The following ATP11A variants were observed in gnomAD, a reference collection of about 807,000 sequenced individuals.
The protein encoded by ATP11A is ATPase phospholipid transporting 11A, also known as phospholipid-transporting ATPase IH.
In ATP11A, 81 loss-of-function variants were observed where a neutral mutation model predicts 154.4. The observed-to-expected ratio is 0.52, with a 90% CI of 0.44 to 0.63. The LOEUF is 0.63. Ranked by LOEUF, ATP11A falls within the 30% of genes least tolerant of loss-of-function variation. The pLI is 0.00. For synonymous variants in ATP11A, 623 were observed against 585.9 expected, an observed-to-expected ratio of 1.06 and a Z score of -0.91; for missense variants, 1,316 against 1,474.3, an observed-to-expected ratio of 0.89 and a Z score of 1.76.
chr13:112,814,968 TCA>T (rs1462503658), intron 5 of ATP11A, among the ~76,000 whole-genome samples: 1 of 152,220 alleles, frequency 6.6e-6, no homozygotes, highest in Admixed American at 6.5e-5. Flanking sequence ...TTTTAAAGTC[TCA>T]CAAATTCGCA....
At chr13:112,771,118 T>G (rs962552023) in intron 1 of ATP11A, among the ~76,000 whole-genome samples, 3 of 152,214 alleles carry the variant, frequency 2.0e-5, no homozygotes, top group African/African-American at 2.4e-5. Context: ...TTAAAAAATC[T>G]CCTTTGTCCC....
At chr13:112,730,910 C>G (rs1890417654) in intron 1 of ATP11A, among the ~76,000 whole-genome samples, 1 of 152,110 alleles carries the variant, frequency 6.6e-6, no homozygotes, top group South Asian at 2.1e-4. Flanking sequence ...TCTCATGGGA[C>G]AGGTGTTCTT....
intron 1 of ATP11A, among the ~76,000 whole-genome samples, chr13:112,747,608 G>A (rs534695256): frequency 2.0e-5 from 3 of 152,342 alleles, no homozygotes; most frequent in African/African-American, 7.2e-5. Flanking sequence ...GGCCAAGGCC[G>A]GCGGATCACT....
intron 12 of ATP11A, among the ~76,000 whole-genome samples, chr13:112,828,583 C>T (rs943211218): frequency 9.9e-5 from 15 of 152,078 alleles, no homozygotes; most frequent in Admixed American, 7.2e-4. Flanking sequence ...GGGGAAAGTG[C>T]CCAGCGGTGT....
At chr13:112,710,899 G>T (rs1810848) in intron 1 of ATP11A, among the ~76,000 whole-genome samples, 145,183 of 151,864 alleles carry the variant, frequency 0.96, 69,433 homozygotes, top group East Asian at 1. Flanking sequence ...CGTCATGTGA[G>T]GGGGCACTAG....
At chr13:112,708,918 A>T (rs887125408) in intron 1 of ATP11A, among the ~76,000 whole-genome samples, 15 of 152,146 alleles carry the variant, frequency 9.9e-5, no homozygotes, top group African/African-American at 3.6e-4. Context: ...CAAGGAAGAG[A>T]GAGTGATTTG....
intron 29 of ATP11A, chr13:112,881,674 A>G: frequency 8.1e-7 from 1 of 1,227,522 alleles, no homozygotes; most frequent in Non-Finnish European, 1.0e-6. Context: ...GCCTGCCCTC[A>G]GGACGAGGGT....
In ATP11A at chr13:112,831,396, A is replaced by C; in HGVS notation, c.1243A>C (p.Lys415Gln). ...GCAGGTGGAGTACATCTTCACAGAC[A>C]AGACCGGCACCCTCACGGAAAACAA... ...LGQVEYIFTD[K>Q]TGTLTENNME... The change falls in exon 13 of 30, where the codon AAG becomes CAG. Residue 415 changes from lysine (K) to glutamine (Q), a missense_variant. This residue lies in a region of ATP11A where 876 missense variants were observed against 1,006.8 expected (regional missense o/e 0.87). Coordinates refer to ENST00000375645, the MANE Select transcript of ATP11A (RefSeq NM_015205.3). The C allele has an allele frequency of 6.2e-7, 1 of 1,614,140 alleles. No homozygotes were observed. The highest frequency in any genetic ancestry group is 8.5e-7 in the Non-Finnish European group (1 of 1,179,998).
At position 112,855,946 on chromosome 13, in the gene ATP11A, T is replaced by C; in HGVS notation, c.2279T>C (p.Ile760Thr). Residue 760 changes from isoleucine (I) to threonine (T), a missense_variant, in exon 20 of 30, where the codon ATC (isoleucine) becomes ACC (threonine). Physicochemically the swap from Ile to Thr is moderately conservative, Grantham distance 89 (BLOSUM62 -1). This residue lies in a region of ATP11A where 876 missense variants were observed against 1,006.8 expected (regional missense o/e 0.87). Transcript: ENST00000375645. ...GATATGCAGGACTACGGTTTAATTATCGACGGAGCTGCACTGTCTCTGATA... is the reference window on the plus strand; with the variant it reads ...GATATGCAGGACTACGGTTTAATTACCGACGGAGCTGCACTGTCTCTGATA... ...SADMQDYGLI[I>T]DGAALSLIMK... is the part of the protein sequence containing the mutation. 1 of 1,613,996 alleles carries C rather than the reference T, an allele frequency of 6.2e-7. No homozygotes were observed. Among genetic ancestry groups the C allele is most frequent in the South Asian group, 1.1e-5 (1 of 91,056 alleles).
rs75264647 is a variant in ATP11A, at chr13:112,815,125, A to G, written c.442-958A>G. ...AGTGACTCACTCAAGGGTTCTGATGATCGTTTCCCCTTCAGACATGCAGCC... is the reference window on the plus strand; with the variant it reads ...AGTGACTCACTCAAGGGTTCTGATGGTCGTTTCCCCTTCAGACATGCAGCC... On this transcript the variant is annotated intron_variant, in intron 5 of 29. Coordinates refer to ENST00000375645, the MANE Select transcript of ATP11A (RefSeq NM_015205.3). Among the ~76,000 whole-genome samples the G allele has an allele frequency of 7.8e-3, 1,193 of 152,274 alleles. 12 individuals are homozygous for G. Among genetic ancestry groups the G allele is most frequent in the African/African-American group, 0.028 (1,144 of 41,544 alleles).
At chr13:112,730,521 G>A (rs1454912999) in intron 1 of ATP11A, among the ~76,000 whole-genome samples, 2 of 152,198 alleles carry the variant, frequency 1.3e-5, no homozygotes, top group African/African-American at 2.4e-5. Flanking sequence ...CTAGTAACAC[G>A]GTGCTAGGCA....
intron 17 of ATP11A, among the ~76,000 whole-genome samples, chr13:112,842,936 G>A (rs561475953): frequency 1.3e-5 from 2 of 152,250 alleles, no homozygotes; most frequent in Non-Finnish European, 2.9e-5. Flanking sequence ...GGGCTGCTGC[G>A]GTAGGGGGCC....
intron 27 of ATP11A, among the ~76,000 whole-genome samples, chr13:112,874,249 C>T (rs952469086): frequency 3.3e-5 from 5 of 152,146 alleles, no homozygotes; most frequent in Non-Finnish European, 7.3e-5. Flanking sequence ...GGAGGTCCTC[C>T]GTGAGTGGGA....
At chr13:112,823,070 G>A (rs1015585683) in intron 8 of ATP11A, among the ~76,000 whole-genome samples, 1 of 152,246 alleles carries the variant, frequency 6.6e-6, no homozygotes, top group Non-Finnish European at 1.5e-5. Flanking sequence ...AGCTCAGTGG[G>A]TCTGGATGGG....
chr13:112,734,567 C>G (rs1278062250), intron 1 of ATP11A, among the ~76,000 whole-genome samples: 1 of 152,190 alleles, frequency 6.6e-6, no homozygotes. Context: ...CAAACCCTGA[C>G]TGTATCGGAC....
rs2080916403 is a variant in ATP11A, at chr13:112,882,924, G to A, written c.*1058G>A. ...GACGGGGGTGGCACACAGGACACGG[G>A]TGGATCCCAACAGGCAGCACCGCAC... On this transcript the variant is annotated 3_prime_UTR_variant, in exon 30 of 30. Transcript: ENST00000375645. The surrounding 1 kb of genome is among the most constrained non-coding windows in gnomAD (Gnocchi z 5.1). The A allele has an allele frequency of 2.5e-6, 1 of 399,062 alleles. No individual in the cohort carries two copies. The highest frequency in any genetic ancestry group is 4.4e-6 in the Non-Finnish European group (1 of 226,450). The allele number at this position is 399,062 out of a possible 1,614,324, so 24.7% of individuals were successfully genotyped here. A position where few individuals can be genotyped will look rare whatever the true frequency, so the allele number is the denominator to read the frequency against.
rs768795794 is a variant in ATP11A, at chr13:112,883,505, C to A, written c.*1639C>A. ...CAGAGGGTGTTTCCGAGGTGCTCGA[C>A]AGTAGGTATTTTTGGAAGCTCAGAT... On this transcript the variant is annotated 3_prime_UTR_variant, in exon 30 of 30. Transcript: ENST00000375645. 1.5e-4 allele frequency: 44 copies of A among 293,966 alleles called. No homozygotes were observed. The highest frequency in any genetic ancestry group is 2.5e-4 in the Non-Finnish European group (40 of 160,132). 18.2% of individuals were successfully genotyped at this position (293,966 alleles called of 1,614,324 possible).
chr13:112,848,005 C>T (rs80026015), intron 17 of ATP11A, among the ~76,000 whole-genome samples: 2,352 of 152,244 alleles, frequency 0.015, 48 homozygotes, highest in African/African-American at 0.051. Flanking sequence ...ATGGAAGGGT[C>T]GCTTGAGCAC....
chr13:112,810,551 C>T (rs1011929644), intron 4 of ATP11A, 68 bp from the exon 5 acceptor site: 7 of 1,300,164 alleles, frequency 5.4e-6, no homozygotes, highest in Non-Finnish European at 5.5e-6. Context: ...CCTTCTGTCT[C>T]TCCCTCCCTT....
Sources: gnomAD v4.1 joint callset for allele counts (sites outside exome capture counted in the v4.1 genomes callset) on GRCh38, gnomAD v4.1.1 for gene constraint, gnomAD v4.1.1 regional missense constraint, Gnocchi (gnomAD v3.1) non-coding constraint, MANE v1.5 for transcripts, NCBI Gene and HGNC (gene_info 2026-07-23, HGNC 2026-07-21) for gene names.